Variants in KCNQ4 observed in about 807,000 individuals in gnomAD.
KCNQ4 encodes the protein potassium voltage-gated channel subfamily KQT member 4.
KCNQ4 carries 31 observed loss-of-function variants against 72.6 expected under a neutral mutation model. The ratio of observed to expected loss-of-function variants is 0.43; its 90% confidence interval spans 0.32 to 0.58. KCNQ4 has a LOEUF of 0.58. KCNQ4 is among the 20% of genes least tolerant of loss of function. The pLI is 0.08. For synonymous variants in KCNQ4, 405 were observed against 403.7 expected, an observed-to-expected ratio of 1.00 and a Z score of -0.04; for missense variants, 869 against 962.6, an observed-to-expected ratio of 0.90 and a Z score of 1.29.
chr1:40,820,065 C>G, intron 6 of KCNQ4, 80 bp downstream of exon 6: 1 of 1,523,436 alleles, frequency 6.6e-7, no homozygotes. Context: ...GCCTGGGGAG[C>G]CTGGGGTACC....
chr1:40,824,253 GGA>G lies in KCNQ4; in HGVS notation c.1288_1289del (p.Glu430LysfsTer42). The G allele has an allele frequency of 6.2e-7, 1 of 1,607,586 alleles. No individual in the cohort carries two copies. The highest frequency in any genetic ancestry group is 1.1e-5 in the South Asian group (1 of 90,170). On this transcript the variant is annotated frameshift_variant, in exon 9 of 14. Coordinates refer to ENST00000347132, the MANE Select transcript of KCNQ4 (RefSeq NM_004700.4). LOFTEE classifies it high-confidence loss of function. Reference protein sequence around the residue: ...RPGSTSFCPGESSRMGIKDRI... With the variant: ...RPGSTSFCPGXSSRMGIKDRI... ...CGGGCAGCACCTCCTTCTGCCCTGG[GGA>G]AAGGTAGGGGCCCCGTGGGGCTGCC...
At position 40,817,307 on chromosome 1, in the gene KCNQ4, C is replaced by G. The variant is rs1022483721; in HGVS notation, c.357C>G (p.Ser119=). 1 of 1,614,070 alleles carries G rather than the reference C, an allele frequency of 6.2e-7. No individual in the cohort carries two copies. Among genetic ancestry groups the G allele is most frequent in the Non-Finnish European group, 8.5e-7 (1 of 1,179,988 alleles). Residue 119 remains serine (S), a synonymous_variant, in exon 2 of 14, where the codon TCC becomes TCG. Coordinates refer to ENST00000347132, the MANE Select transcript of KCNQ4 (RefSeq NM_004700.4). The surrounding 1 kb of genome is among the most constrained non-coding windows in gnomAD (Gnocchi z 5.5). ...VFSCLVLSVL[S]TIQEHQELAN... ...GCTGCCTGGTGCTGTCTGTGCTGTC[C>G]ACTATCCAGGAGCACCAGGAACTTG... is the stretch of plus-strand genomic sequence containing the variant.
At chr1:40,808,139 C>A (rs1049318639) in intron 1 of KCNQ4, among the ~76,000 whole-genome samples, 1 of 152,028 alleles carries the variant, frequency 6.6e-6, no homozygotes, top group Non-Finnish European at 1.5e-5. Flanking sequence ...CTGCTGGTGG[C>A]TGGGCAGTCC....
At chr1:40,835,912 A>G (rs935845648) in intron 12 of KCNQ4, among the ~76,000 whole-genome samples, 1 of 151,992 alleles carries the variant, frequency 6.6e-6, no homozygotes, top group Non-Finnish European at 1.5e-5. Context: ...GCTGCACTGG[A>G]GTGAGAGGTA....
chr1:40,832,810 CG>C (rs1648688551), intron 10 of KCNQ4, among the ~76,000 whole-genome samples: 1 of 152,186 alleles, frequency 6.6e-6, no homozygotes, highest in African/African-American at 2.4e-5. Flanking sequence ...GACTGGCCAC[CG>C]GGGCAGATGG....
intron 1 of KCNQ4, among the ~76,000 whole-genome samples, chr1:40,810,358 T>A (rs1647898510): frequency 6.6e-6 from 1 of 152,162 alleles, no homozygotes; most frequent in African/African-American, 2.4e-5. Context: ...TTCTTGGGAC[T>A]CTCCCCGACC....
Position 40,784,461 on chromosome 1 carries a change from C to A in KCNQ4, c.314+54C>A. The A allele has an allele frequency of 6.4e-7, 1 of 1,552,282 alleles. No individual in the cohort carries two copies. Among genetic ancestry groups the A allele is most frequent in the South Asian group, 1.1e-5 (1 of 90,108 alleles). ...GTTTCCCCGCGCAAGCCTGGCCTCC[C>A]GGGGCACGGCCGCCCCGCCCTGGCT... On this transcript the variant is annotated intron_variant, in intron 1 of 13. Coordinates refer to ENST00000347132, the MANE Select transcript of KCNQ4 (RefSeq NM_004700.4). This position sits in a 1 kb window ranked among gnomAD's most constrained non-coding sequence, Gnocchi z 4.1.
intron 1 of KCNQ4, among the ~76,000 whole-genome samples, chr1:40,799,432 GC>G (rs149663653): frequency 5.1e-4 from 77 of 151,100 alleles, no homozygotes; most frequent in East Asian, 2.1e-3. Flanking sequence ...TGTGGGCCAT[GC>G]CCCCCCCCTC....
intron 1 of KCNQ4, among the ~76,000 whole-genome samples, chr1:40,812,647 A>T (rs1647962829): frequency 6.6e-6 from 1 of 152,222 alleles, no homozygotes; most frequent in African/African-American, 2.4e-5. Flanking sequence ...CAGTGGGTTA[A>T]AGCAGGGAGA....
chr1:40,800,968 G>A (rs941606001), intron 1 of KCNQ4, among the ~76,000 whole-genome samples: 3 of 152,236 alleles, frequency 2.0e-5, no homozygotes, highest in Admixed American at 2.0e-4. Context: ...AGGGAGTGGA[G>A]AAGTCGAGTG....
At position 40,806,032 on chromosome 1, in the gene KCNQ4, G is replaced by A. The variant is rs375032545; in HGVS notation, c.315-11233G>A. 7.2e-5 allele frequency among the ~76,000 whole-genome samples: 11 copies of A among 152,198 alleles called. No individual in the cohort carries two copies. The East Asian group carries it at 1.5e-3, about 21-fold the overall frequency. The stretch of plus-strand genomic sequence containing the variant: ...AAGTTTTTGTATTTTTAGTAGAGAT[G>A]GGGTTTCACCGTGTTAGCCAGGATG... On this transcript the variant is annotated intron_variant, in intron 1 of 13. Coordinates refer to ENST00000347132, the MANE Select transcript of KCNQ4 (RefSeq NM_004700.4).
At chr1:40,835,912 A>T (rs935845648) in intron 12 of KCNQ4, among the ~76,000 whole-genome samples, 5 of 151,992 alleles carry the variant, frequency 3.3e-5, no homozygotes, top group Admixed American at 6.6e-5. Context: ...GCTGCACTGG[A>T]GTGAGAGGTA....
intron 9 of KCNQ4, among the ~76,000 whole-genome samples, chr1:40,827,329 G>A (rs6697721): frequency 0.33 from 50,481 of 152,062 alleles, 9,037 homozygotes; most frequent in Middle Eastern, 0.41. Flanking sequence ...TGTGGAGCCC[G>A]GGTCAGGCAC....
Position 40,838,594 on chromosome 1 carries a change from T to A in KCNQ4, c.*71T>A. On this transcript the variant is annotated 3_prime_UTR_variant, in exon 14 of 14. Transcript: ENST00000347132. ...GGCGCTCCGACTGCCCTCTGAGGCCTCCGGACTCCTCTCGTACTTGAACTC... is the reference window on the plus strand; with the variant it reads ...GGCGCTCCGACTGCCCTCTGAGGCCACCGGACTCCTCTCGTACTTGAACTC... 7.4e-7 allele frequency: 1 copy of A among 1,357,164 alleles called. No homozygotes were observed. The highest frequency in any genetic ancestry group is 1.1e-6 in the Non-Finnish European group (1 of 947,846). 84.1% of individuals were successfully genotyped at this position (1,357,164 alleles called of 1,614,324 possible). A position where few individuals can be genotyped will look rare whatever the true frequency, so the allele number is the denominator to read the frequency against.
chr1:40,828,065 G>A (rs1648536559), intron 9 of KCNQ4, among the ~76,000 whole-genome samples: 1 of 152,210 alleles, frequency 6.6e-6, no homozygotes, highest in African/African-American at 2.4e-5. Context: ...GGCCAGTGGC[G>A]AGGCTGTTTC....
At chr1:40,834,866 G>A (rs1320764620) in intron 11 of KCNQ4, 101 bp from the exon 12 acceptor site, 5 of 1,507,316 alleles carry the variant, frequency 3.3e-6, no homozygotes, top group Non-Finnish European at 4.6e-6. Context: ...AGCAGGAGGT[G>A]CCCTGGTGCT....
At chr1:40,786,299 C>T (rs936371157) in intron 1 of KCNQ4, among the ~76,000 whole-genome samples, 9 of 152,206 alleles carry the variant, frequency 5.9e-5, no homozygotes, top group Non-Finnish European at 1.3e-4. Context: ...CTTGGCCTTA[C>T]AGCCCCCACA....
Position 40,791,409 on chromosome 1 carries a change from C to T in KCNQ4, c.314+7002C>T, listed in dbSNP as rs566306050. Among the ~76,000 whole-genome samples the T allele has an allele frequency of 4.6e-5, 7 of 152,272 alleles. No homozygotes were observed. The South Asian group carries it at 1.2e-3, about 27-fold the overall frequency. On this transcript the variant is annotated intron_variant, in intron 1 of 13. Transcript: ENST00000347132. Reference sequence around the variant, plus strand: ...CACAGGGCACTCAGGGGGCTGCCTGCCCCCAGTGGAGGCTCTGAGGGGCTG... The same window carrying T: ...CACAGGGCACTCAGGGGGCTGCCTGTCCCCAGTGGAGGCTCTGAGGGGCTG...
intron 1 of KCNQ4, among the ~76,000 whole-genome samples, chr1:40,799,836 A>G (rs1647526036): frequency 6.6e-6 from 1 of 152,232 alleles, no homozygotes; most frequent in African/African-American, 2.4e-5. Context: ...AGCAGGCAGG[A>G]TCTAGATTAG....
Sources: allele counts gnomAD v4.1 joint callset (sites outside exome capture counted in the v4.1 genomes callset), GRCh38; gene constraint gnomAD v4.1.1; non-coding constraint Gnocchi (gnomAD v3.1); transcripts MANE v1.5; gene names NCBI Gene and HGNC (gene_info 2026-07-23, HGNC 2026-07-21).